Variants in ZNF335 observed in about 807,000 individuals in gnomAD.
The protein encoded by ZNF335 is NRC-interacting factor 1.
Under a neutral mutation model 145.6 loss-of-function variants are expected in ZNF335, and 84 were observed. That is an observed-to-expected ratio of 0.58 (90% CI 0.48 to 0.69). The LOEUF (loss-of-function observed/expected upper bound fraction) is 0.69, where lower values mean the gene tolerates loss of function less well. Ranked by LOEUF, ZNF335 falls within the 30% of genes least tolerant of loss-of-function variation. The pLI is 0.00. For synonymous variants in ZNF335, 761 were observed against 717.0 expected (o/e 1.06, Z -0.98); for missense variants, 1,865 against 1,809.7 (o/e 1.03, Z -0.55).
At chr20:45,964,100 A>C (rs1030107546) in intron 7 of ZNF335, 110 bp from the exon 8 acceptor site, 1 of 1,326,340 alleles carries the variant, frequency 7.5e-7, no homozygotes, top group Non-Finnish European at 1.0e-6. Context: ...ATCACAGACC[A>C]CTGATGGGTG....
chr20:45,967,822 C>T lies in ZNF335; in HGVS notation c.726G>A (p.Val242=), dbSNP rs2083986984. 1.2e-6 allele frequency: 2 copies of T among 1,613,456 alleles called. No homozygotes were observed. The highest frequency in any genetic ancestry group is 2.2e-5 in the East Asian group (1 of 44,878). The change falls in exon 5 of 28, where the codon GTG becomes GTA. Residue 242 remains valine, a synonymous_variant. Transcript: ENST00000322927. ...GGCACATCTTGCATTTGAACTGCTGCACCACCACCACCTCCATCATGGCCT... is the reference window on the plus strand; with the variant it reads ...GGCACATCTTGCATTTGAACTGCTGTACCACCACCACCTCCATCATGGCCT... ...SLEAMMEVVV[V]QQFKCKMCQY...
chr20:45,952,039 CAG>C, intron 20 of ZNF335, 106 bp downstream of exon 20: 1 of 1,438,210 alleles, frequency 7.0e-7, no homozygotes. Context: ...CTCATCCACT[CAG>C]AGGAGAGCAG....
chr20:45,961,788 C>T (rs761315414), intron 10 of ZNF335: 13 of 368,700 alleles, frequency 3.5e-5, no homozygotes, highest in Non-Finnish European at 6.0e-5. Context: ...CCTTTAGGTA[C>T]ACAATTTCCT....
In ZNF335 at chr20:45,968,361, G is replaced by A. The variant is rs747710894; in HGVS notation, c.444C>T (p.Asn148=). The change falls in exon 4 of 28, where the codon AAC becomes AAT. Residue 148 remains asparagine (N), a splice_region_variant and synonymous_variant. Coordinates refer to ENST00000322927, the MANE Select transcript of ZNF335 (RefSeq NM_022095.4). ...CCTCAGCACTGGTCACAGTGATGCA[G>A]TCTGGGCAGAGATGGGGAAGGGTCA... ...ESTIGPDLIQ[N]CITVTSAEDG... 1 of 1,610,168 alleles carries A rather than the reference G, an allele frequency of 6.2e-7. No homozygotes were observed. The highest frequency in any genetic ancestry group is 8.5e-7 in the Non-Finnish European group (1 of 1,177,060).
rs2083990439 is a variant in ZNF335 at position 45,967,938 on chromosome 20, A to C, written c.610T>G (p.Ser204Ala). 6.2e-7 allele frequency: 1 copy of C among 1,612,636 alleles called. No homozygotes were observed. The highest frequency in any genetic ancestry group is 1.7e-5 in the Admixed American group (1 of 60,000). ...CCACCCTGTGCCTCCAGGCATGTGGATGTGGATGTGGGGCCATCTGCCAGG... is the reference window on the plus strand; with the variant it reads ...CCACCCTGTGCCTCCAGGCATGTGGCTGTGGATGTGGGGCCATCTGCCAGG... The part of the protein sequence containing the change: ...EALADGPTST[S>A]TCLEAQGGPS... The change falls in exon 5 of 28, where the codon TCC (serine) becomes GCC (alanine). Residue 204 changes from serine to alanine, a missense_variant. By Grantham distance (99) the Ser-to-Ala change is moderately conservative. Transcript: ENST00000322927.
At position 45,971,335 on chromosome 20, in the gene ZNF335, C is replaced by A; in HGVS notation, c.76G>T (p.Gly26Cys). 1.3e-6 allele frequency: 2 copies of A among 1,598,930 alleles called. No homozygotes were observed. Among genetic ancestry groups the A allele is most frequent in the Non-Finnish European group, 1.7e-6 (2 of 1,179,100 alleles). Residue 26 changes from glycine to cysteine, a missense_variant, in exon 2 of 28, where the codon GGC (glycine) becomes TGC (cysteine). Gly to Cys is a radical substitution (Grantham distance 159). Coordinates refer to ENST00000322927, the MANE Select transcript of ZNF335 (RefSeq NM_022095.4). ...GCTTCTGAGGTGCCCACACCCAGGC[C>A]GCTCTCAGAGGGCTCCTCGGGCCGG... ...PGRPEEPSES[G>C]LGVGTSEAVS...
At chr20:45,971,847 C>G (rs540739755) in intron 1 of ZNF335, 63 of 985,324 alleles carry the variant, frequency 6.4e-5, no homozygotes, top group Non-Finnish European at 6.7e-5. Context: ...TCGCTCCCCC[C>G]CGGTTCCCCT....
rs781058181 is a variant in ZNF335, at chr20:45,953,802, A to G, written c.2589T>C (p.Pro863=). The G allele has an allele frequency of 6.2e-7, 1 of 1,614,120 alleles. No individual in the cohort carries two copies. Among genetic ancestry groups the G allele is most frequent in the Non-Finnish European group, 8.5e-7 (1 of 1,180,018 alleles). The change falls in exon 18 of 28, where the codon CCT becomes CCC. Residue 863 remains proline, a synonymous_variant. Transcript: ENST00000322927. ...GGAAAESQLG[P]PDLPQITLAP... Reference sequence around the variant, plus strand: ...CCAGGGTGATCTGCGGTAGGTCAGGAGGGCCTAGCTGGCTCTCGGCTGCTG... The same window carrying G: ...CCAGGGTGATCTGCGGTAGGTCAGGGGGGCCTAGCTGGCTCTCGGCTGCTG...
chr20:45,965,433 A>ACTC (rs1355056469), intron 7 of ZNF335, among the ~76,000 whole-genome samples, 195 bp downstream of exon 7: 1 of 152,130 alleles, frequency 6.6e-6, no homozygotes, highest in Non-Finnish European at 1.5e-5. Context: ...TAAAGCTGAG[A>ACTC]GAGTTTCCTG....
chr20:45,949,580 G>C lies in ZNF335; in HGVS notation c.3670-12C>G, dbSNP rs1370141157. 1.4e-5 allele frequency: 22 copies of C among 1,605,778 alleles called. No homozygotes were observed. The highest frequency in any genetic ancestry group is 2.7e-5 in the African/African-American group (2 of 74,824). On this transcript the variant is annotated splice_polypyrimidine_tract_variant and intron_variant, in intron 24 of 27. Transcript: ENST00000322927. ...ATGATATACTGCACCTGTTGGTGGG[G>C]GGGGCGGGCATGGCGAGGCAGGTGC...
rs1234838549 is a variant in ZNF335, at chr20:45,963,651, C to T, written c.1356-1G>A. On this transcript the variant is annotated splice_acceptor_variant, in intron 8 of 27. Coordinates refer to ENST00000322927, the MANE Select transcript of ZNF335 (RefSeq NM_022095.4). LOFTEE classifies it high-confidence loss of function. ...TGGTTTGGGCGACTTGTAATAGTAC[C>T]TGCAGGATGAGAGTGTGGCGGAAAG... is the stretch of plus-strand genomic sequence containing the variant. 2 of 1,613,994 alleles carry T rather than the reference C, an allele frequency of 1.2e-6. No individual in the cohort carries two copies. The highest frequency in any genetic ancestry group is 1.7e-6 in the Non-Finnish European group (2 of 1,179,960).
Position 45,963,670 on chromosome 20 carries a change from C to T in ZNF335, c.1356-20G>A, listed in dbSNP as rs775024381. Reference sequence around the variant, plus strand: ...TAGTACCTGCAGGATGAGAGTGTGGCGGAAAGGTCTGGTGGGGTTGGTGGC... The same window carrying T: ...TAGTACCTGCAGGATGAGAGTGTGGTGGAAAGGTCTGGTGGGGTTGGTGGC... On this transcript the variant is annotated intron_variant, in intron 8 of 27. Coordinates refer to ENST00000322927, the MANE Select transcript of ZNF335 (RefSeq NM_022095.4). 4.9e-5 allele frequency: 79 copies of T among 1,613,626 alleles called. No individual in the cohort carries two copies. The highest frequency in any genetic ancestry group is 6.6e-5 in the Non-Finnish European group (78 of 1,179,694).
At chr20:45,955,029 G>C (rs1273669288) in intron 17 of ZNF335, among the ~76,000 whole-genome samples, 1 of 151,994 alleles carries the variant, frequency 6.6e-6, no homozygotes, top group Non-Finnish European at 1.5e-5. Flanking sequence ...AAAGTGCTGG[G>C]ATTACAAGTG....
chr20:45,969,496 T>C lies in ZNF335; in HGVS notation c.397A>G (p.Ile133Val), dbSNP rs760753221. ...TASSSDLGSAIDKIIESTIGP... is the reference protein window; with the variant it reads ...TASSSDLGSAVDKIIESTIGP... ...ATGGTGGACTCGATGATCTTGTCGATGGCCGAGCCCAGGTCCGAGGAGGAA... is the reference window on the plus strand; with the variant it reads ...ATGGTGGACTCGATGATCTTGTCGACGGCCGAGCCCAGGTCCGAGGAGGAA... The change falls in exon 3 of 28, where the codon ATC becomes GTC. Residue 133 changes from isoleucine (I) to valine (V), a missense_variant. Physicochemically the swap from Ile to Val is conservative, Grantham distance 29. Coordinates refer to ENST00000322927, the MANE Select transcript of ZNF335 (RefSeq NM_022095.4). 2 of 1,568,350 alleles carry C rather than the reference T, an allele frequency of 1.3e-6. No individual in the cohort carries two copies. Among genetic ancestry groups the C allele is most frequent in the South Asian group, 2.3e-5 (2 of 87,384 alleles).
intron 17 of ZNF335, among the ~76,000 whole-genome samples, chr20:45,954,697 T>C (rs2083694091): frequency 6.6e-6 from 1 of 150,680 alleles, no homozygotes; most frequent in Non-Finnish European, 1.5e-5. Flanking sequence ...CACAAACAGG[T>C]ACTTTAGAAA....
chr20:45,960,187 C>A (rs759252157), intron 14 of ZNF335, 21 bp downstream of exon 14: 77 of 1,613,040 alleles, frequency 4.8e-5, no homozygotes, highest in Non-Finnish European at 2.8e-5. Flanking sequence ...GTGAGTGGGG[C>A]TGGGGTGTGT....
intron 21 of ZNF335, 21 bp from the exon 22 acceptor site, chr20:45,950,394 C>T (rs775098904): frequency 2.5e-6 from 4 of 1,607,854 alleles, no homozygotes; most frequent in Non-Finnish European, 2.6e-6. Context: ...TGAAAGGTGG[C>T]TCAGGTTAGC....
intron 1 of ZNF335, chr20:45,971,888 GC>G (rs1310240192): frequency 2.0e-6 from 2 of 985,302 alleles, no homozygotes; most frequent in East Asian, 2.3e-4. Flanking sequence ...CGGTCTCGGG[GC>G]CTGGCGATTT....
rs372272312 is a variant in ZNF335 at position 45,948,947 on chromosome 20, C to T, written c.*6G>A. 3.0e-5 allele frequency: 48 copies of T among 1,613,680 alleles called. No individual in the cohort carries two copies. Among genetic ancestry groups the T allele is most frequent in the Non-Finnish European group, 3.7e-5 (44 of 1,180,020 alleles). On this transcript the variant is annotated 3_prime_UTR_variant, in exon 28 of 28. Transcript: ENST00000322927. ...AAATCCATGATCTGTGTTGGGCCCT[C>T]GGGGCTCAGTCATCGGCCAGGGTGA...
Sources: allele counts gnomAD v4.1 joint callset (sites outside exome capture counted in the v4.1 genomes callset), GRCh38; gene constraint gnomAD v4.1.1; transcripts MANE v1.5; gene names NCBI Gene and HGNC (gene_info 2026-07-23, HGNC 2026-07-21).